Variants in TUBGCP4 observed in about 807,000 individuals in gnomAD.
TUBGCP4 encodes the protein gamma-tubulin complex component 4.
A neutral mutation model predicts 91.6 loss-of-function variants in TUBGCP4; 54 were observed. The ratio of observed to expected loss-of-function variants is 0.59; its 90% confidence interval spans 0.47 to 0.74. The LOEUF (loss-of-function observed/expected upper bound fraction) is 0.74, where lower values mean the gene tolerates loss of function less well. Among genes scored for constraint, TUBGCP4 ranks in the 30% least tolerant of loss-of-function variants. The pLI, the probability that TUBGCP4 is intolerant of heterozygous loss-of-function variation, is 0.00. For missense variants in TUBGCP4, 593 were observed against 800.9 expected, an observed-to-expected ratio of 0.74 and a Z score of 3.13; for synonymous variants, 297 against 302.8, an observed-to-expected ratio of 0.98 and a Z score of 0.20.
At position 43,371,102 on chromosome 15, in the gene TUBGCP4, G is replaced by C. The variant is rs1167709952; in HGVS notation, c.-253G>C. 1.7e-6 allele frequency: 1 copy of C among 575,020 alleles called. No individual in the cohort carries two copies. Among genetic ancestry groups the C allele is most frequent in the Non-Finnish European group, 3.1e-6 (1 of 319,810 alleles). 35.6% of individuals were successfully genotyped at this position (575,020 alleles called of 1,614,324 possible). On this transcript the variant is annotated 5_prime_UTR_variant, in exon 1 of 18. Transcript: ENST00000564079. ...GCGCGAGGGCAGCGACCGCGACTCA[G>C]TCTCCGCAGAGCCCGGGCGGGAGTA...
rs994138843 is a variant in TUBGCP4, at chr15:43,371,256, C to G, written c.-99C>G. The G allele has an allele frequency of 8.4e-5, 104 of 1,237,542 alleles. No homozygotes were observed. The highest frequency in any genetic ancestry group is 1.2e-4 in the Non-Finnish European group (101 of 861,802). 76.7% of individuals were successfully genotyped at this position (1,237,542 alleles called of 1,614,324 possible). On this transcript the variant is annotated 5_prime_UTR_variant, in exon 1 of 18. Coordinates refer to ENST00000564079, the MANE Select transcript of TUBGCP4 (RefSeq NM_014444.5). ...GGCACAAACCGCCCGACCCAGGGGC[C>G]GGTGCGCGTGTGGAAGGGGAAGCAC...
rs201365284 is a variant in TUBGCP4 at position 43,408,863 on chromosome 15, C to G, written c.*3649C>G. The stretch of plus-strand genomic sequence containing the variant: ...CCCTCCAAAGCTTGCTGTCCTCCTG[C>G]CTATACAATTCTGGATGGGCTTCAA... On this transcript the variant is annotated 3_prime_UTR_variant, in exon 18 of 18. Coordinates refer to ENST00000564079, the MANE Select transcript of TUBGCP4 (RefSeq NM_014444.5). 2.5e-6 allele frequency: 4 copies of G among 1,605,578 alleles called. No homozygotes were observed. The East Asian group carries it at 8.9e-5, about 36-fold the overall frequency.
chr15:43,382,992 A>G (rs1183530379), intron 6 of TUBGCP4, among the ~76,000 whole-genome samples: 1 of 152,142 alleles, frequency 6.6e-6, no homozygotes, highest in East Asian at 1.9e-4. Flanking sequence ...TATTATTTTT[A>G]TTTTTTATTG....
chr15:43,376,194 A>G lies in TUBGCP4; in HGVS notation c.175A>G (p.Ile59Val). Residue 59 changes from isoleucine (I) to valine (V), a missense_variant, in exon 2 of 18, where the codon ATT (isoleucine) becomes GTT (valine). Physicochemically the swap from Ile to Val is conservative, Grantham distance 29 (BLOSUM62 3). Coordinates refer to ENST00000564079, the MANE Select transcript of TUBGCP4 (RefSeq NM_014444.5). Reference sequence around the variant, plus strand: ...AGACTATATTCGCTTCACTGAGTTCATTGAACAGTACACGGGCCATGTGCA... The same window carrying G: ...AGACTATATTCGCTTCACTGAGTTCGTTGAACAGTACACGGGCCATGTGCA... ...GTDYIRFTEF[I>V]EQYTGHVQQQ... is the part of the protein sequence containing the mutation. 9 of 1,614,000 alleles carry G rather than the reference A, an allele frequency of 5.6e-6. No individual in the cohort carries two copies. Among genetic ancestry groups the G allele is most frequent in the Non-Finnish European group, 7.6e-6 (9 of 1,180,008 alleles).
intron 17 of TUBGCP4, 188 bp from the exon 18 acceptor site, chr15:43,405,014 C>A: frequency 1.6e-6 from 1 of 619,662 alleles, no homozygotes; most frequent in African/African-American, 1.9e-5. Context: ...AAAATCACTT[C>A]ATTGTCCTTT....
At chr15:43,404,273 A>G in intron 16 of TUBGCP4, 140 bp from the exon 17 acceptor site, 1 of 940,256 alleles carries the variant, frequency 1.1e-6, no homozygotes, top group South Asian at 1.8e-5. Flanking sequence ...AACTAATAGA[A>G]ATAGGAATGT....
chr15:43,377,447 A>T (rs570130358), intron 4 of TUBGCP4, among the ~76,000 whole-genome samples: 2 of 151,996 alleles, frequency 1.3e-5, no homozygotes, highest in African/African-American at 4.8e-5. Flanking sequence ...AAATGGTGAA[A>T]CCCTGTCTCT....
intron 5 of TUBGCP4, among the ~76,000 whole-genome samples, chr15:43,379,640 C>CAAA (rs1166566829): frequency 1.9e-4 from 12 of 62,250 alleles, no homozygotes; most frequent in Non-Finnish European, 3.1e-4. Flanking sequence ...GACTCCGTCT[C>CAAA]AAAAAAAAAA....
At chr15:43,395,507 A>C in intron 10 of TUBGCP4, 76 bp from the exon 11 acceptor site, 1 of 1,050,782 alleles carries the variant, frequency 9.5e-7, no homozygotes, top group Non-Finnish European at 1.5e-6. Flanking sequence ...AAATTACTGT[A>C]TACATGTAAT....
chr15:43,395,249 C>T (rs920463806), intron 10 of TUBGCP4, 92 bp downstream of exon 10: 10 of 1,397,712 alleles, frequency 7.2e-6, no homozygotes, highest in African/African-American at 1.4e-5. Context: ...GTTGCCTATA[C>T]CCAGACTTCC....
chr15:43,386,512 G>T (rs1206955619), intron 9 of TUBGCP4, among the ~76,000 whole-genome samples, 182 bp downstream of exon 9: 2 of 147,006 alleles, frequency 1.4e-5, no homozygotes, highest in Non-Finnish European at 3.0e-5. Flanking sequence ...ATCATCTGAG[G>T]TCAGGAGTTC....
intron 9 of TUBGCP4, among the ~76,000 whole-genome samples, chr15:43,387,721 C>G (rs542954947): frequency 3.3e-5 from 5 of 151,978 alleles, no homozygotes; most frequent in Non-Finnish European, 5.9e-5. Flanking sequence ...CTCAGCCTCC[C>G]AAAGTCCTGG....
chr15:43,380,070 C>T lies in TUBGCP4; in HGVS notation c.442-14C>T, dbSNP rs748070764. ...AGAATGGAATCCAGTTTGACAAGGCCGTATTTTCCACAGATTCATGGTTGT... is the reference window on the plus strand; with the variant it reads ...AGAATGGAATCCAGTTTGACAAGGCTGTATTTTCCACAGATTCATGGTTGT... On this transcript the variant is annotated splice_polypyrimidine_tract_variant and intron_variant, in intron 5 of 17. Transcript: ENST00000564079. 5.0e-6 allele frequency: 8 copies of T among 1,613,518 alleles called. No individual in the cohort carries two copies. Among genetic ancestry groups the T allele is most frequent in the East Asian group, 4.5e-5 (2 of 44,876 alleles).
In TUBGCP4 at chr15:43,405,490, T is replaced by G. The variant is rs935582503; in HGVS notation, c.*276T>G. On this transcript the variant is annotated 3_prime_UTR_variant, in exon 18 of 18. Transcript: ENST00000564079. ...GATATGTTCATTTATTCAATAGTCA[T>G]TTATTGAGCACCTACTACGTACCTT... 2 of 523,562 alleles carry G rather than the reference T, an allele frequency of 3.8e-6. No individual in the cohort carries two copies. The highest frequency in any genetic ancestry group is 3.8e-5 in the African/African-American group (2 of 52,358). The allele number at this position is 523,562 out of a possible 1,614,324, so 32.4% of individuals were successfully genotyped here.
rs1378642134 is a variant in TUBGCP4, at chr15:43,401,494, G to C, written c.1597-222G>C. Among the ~76,000 whole-genome samples, 3 of 151,822 alleles carry C rather than the reference G, an allele frequency of 2.0e-5. No individual in the cohort carries two copies. The East Asian group carries it at 5.8e-4, about 29-fold the overall frequency. ...AAAGAGAAAAGGATGGGGCAGGGGAGAGTGGTCAGCCAGGACGTTGGAGGG... is the reference window on the plus strand; with the variant it reads ...AAAGAGAAAAGGATGGGGCAGGGGACAGTGGTCAGCCAGGACGTTGGAGGG... On this transcript the variant is annotated intron_variant, in intron 14 of 17. Transcript: ENST00000564079.
intron 10 of TUBGCP4, 102 bp downstream of exon 10, chr15:43,395,259 C>A: frequency 7.8e-7 from 1 of 1,276,206 alleles, no homozygotes. Context: ...CCCAGACTTC[C>A]AGAGTCAACT....
intron 9 of TUBGCP4, chr15:43,391,263 C>T (rs891445904): frequency 6.6e-6 from 1 of 152,172 alleles, no homozygotes; most frequent in Non-Finnish European, 1.5e-5. Flanking sequence ...GCAGTGATGT[C>T]ATCATAGCTC....
At chr15:43,383,729 ATTATAAGTC>A in intron 7 of TUBGCP4, among the ~76,000 whole-genome samples, 1 of 152,134 alleles carries the variant, frequency 6.6e-6, no homozygotes, top group East Asian at 1.9e-4. Context: ...CATTTGAGAG[ATTATAAGTC>A]TTACTTATGT....
In TUBGCP4 at chr15:43,406,502, G is replaced by C. The variant is rs1027250015; in HGVS notation, c.*1288G>C. Reference sequence around the variant, plus strand: ...AGCCATGCCCATTTGTTTACTCATTGTCTATGGTTGCTTTCATGCCCTCAC... The same window carrying C: ...AGCCATGCCCATTTGTTTACTCATTCTCTATGGTTGCTTTCATGCCCTCAC... On this transcript the variant is annotated 3_prime_UTR_variant, in exon 18 of 18. Transcript: ENST00000564079. The C allele has an allele frequency of 4.5e-6, 2 of 442,048 alleles. No homozygotes were observed. Among genetic ancestry groups the C allele is most frequent in the Non-Finnish European group, 9.0e-6 (2 of 221,406 alleles). 27.4% of individuals were successfully genotyped at this position (442,048 alleles called of 1,614,324 possible).
Sources: gnomAD v4.1 joint callset for allele counts (sites outside exome capture counted in the v4.1 genomes callset) on GRCh38, gnomAD v4.1.1 for gene constraint, MANE v1.5 for transcripts, NCBI Gene and HGNC (gene_info 2026-07-23, HGNC 2026-07-21) for gene names.